The following BTBD19 variants were observed in gnomAD, a reference collection of about 807,000 sequenced individuals.
BTBD19 encodes BTB/POZ domain-containing protein 19.
A neutral mutation model predicts 36.1 loss-of-function variants in BTBD19; 20 were observed. The observed-to-expected ratio is 0.55, with a 90% confidence interval of 0.39 to 0.80. The LOEUF (loss-of-function observed/expected upper bound fraction) is 0.80. Ranked by LOEUF, BTBD19 falls within the 30% of genes least tolerant of loss-of-function variation. BTBD19 has a pLI of 0.00. For missense variants in BTBD19, 325 were observed against 389.8 expected, an observed-to-expected ratio of 0.83 and a Z score of 1.40; for synonymous variants, 157 against 174.3, an observed-to-expected ratio of 0.90 and a Z score of 0.78.
Position 44,810,723 on chromosome 1 carries a change from G to A in BTBD19, c.354+116G>A. ...GGAACGTGTGCCCACACAGAGAGAA[G>A]TATGTATATCTCTCCCAAGTAAGTA... On this transcript the variant is annotated intron_variant, in intron 3 of 7. Transcript: ENST00000450269. The surrounding 1 kb of genome is among the most constrained non-coding windows in gnomAD (Gnocchi z 4.2). The A allele has an allele frequency of 9.9e-7, 1 of 1,010,110 alleles. No individual in the cohort carries two copies. Among genetic ancestry groups the A allele is most frequent in the East Asian group, 3.5e-5 (1 of 28,754 alleles). 62.6% of individuals were successfully genotyped at this position (1,010,110 alleles called of 1,614,324 possible).
Position 44,813,346 on chromosome 1 carries a change from G to A in BTBD19, c.616-28G>A. 1 of 1,542,788 alleles carries A rather than the reference G, an allele frequency of 6.5e-7. No individual in the cohort carries two copies. Among genetic ancestry groups the A allele is most frequent in the Non-Finnish European group, 8.7e-7 (1 of 1,146,404 alleles). On this transcript the variant is annotated intron_variant, in intron 6 of 7. Transcript: ENST00000450269. The surrounding 1 kb of genome is among the most constrained non-coding windows in gnomAD (Gnocchi z 7.8). ...GACTGGTGAGCGGGCGGCAGGACAGGTGCCCGACTCAGGGCTGGCGTTTGC... is the reference window on the plus strand; with the variant it reads ...GACTGGTGAGCGGGCGGCAGGACAGATGCCCGACTCAGGGCTGGCGTTTGC...
chr1:44,808,928 CGG>C (rs1051957062), intron 1 of BTBD19, 22 bp downstream of exon 1: 1 of 1,517,414 alleles, frequency 6.6e-7, no homozygotes, highest in Non-Finnish European at 8.9e-7. Flanking sequence ...GCCCTGCCTG[CGG>C]GTTTTTCTTA....
At chr1:44,814,148 C>CTCTTTCTTTCTTTCTTTCTT (rs1553163473), downstream of BTBD19, 168 of 159,358 alleles carry the variant, frequency 1.1e-3, 2 homozygotes, top group South Asian at 1.4e-3. Context: ...CTTTTTCTTT[C>CTCTTTCTTTCTTTCTTTCTT]TCTTTCTTTC....
At chr1:44,811,299 C>T (rs552193340) in intron 3 of BTBD19, among the ~76,000 whole-genome samples, 35 of 151,924 alleles carry the variant, frequency 2.3e-4, no homozygotes, top group African/African-American at 7.7e-4. Context: ...TCTCCAGTCC[C>T]GCCACTAGGG....
downstream of BTBD19, chr1:44,814,192 TTC>T (rs367681598): frequency 3.1e-4 from 43 of 140,406 alleles, no homozygotes; most frequent in Middle Eastern, 2.9e-3. Flanking sequence ...CTTTCTTTCT[TTC>T]TTTCTTTCTT....
chr1:44,812,156 C>T (rs1557633128), intron 4 of BTBD19, 58 bp downstream of exon 4: 2 of 1,226,676 alleles, frequency 1.6e-6, no homozygotes, highest in South Asian at 2.5e-5. Context: ...AAATGGGCTC[C>T]CAGCACCTGG....
chr1:44,809,146 TTCC>T (rs919146532), intron 1 of BTBD19, among the ~76,000 whole-genome samples: 6 of 152,142 alleles, frequency 3.9e-5, no homozygotes, highest in African/African-American at 1.4e-4. Flanking sequence ...GGCAAAGCCC[TTCC>T]TTCTTTGGAC....
chr1:44,814,475 T>C (rs1218128328), downstream of BTBD19: 1 of 150,938 alleles, frequency 6.6e-6, no homozygotes, highest in Non-Finnish European at 1.5e-5. Context: ...TTTTTTTGAA[T>C]TTTTAGTAGA....
rs904464762 is a variant in BTBD19 at position 44,812,880 on chromosome 1, C to A, written c.415-116C>A. The stretch of plus-strand genomic sequence containing the variant: ...GTCTAGTTTCCTGGAGGGCTGAGGG[C>A]CCTGTCAGCCTCCCCAGCTAGGGCT... On this transcript the variant is annotated intron_variant, in intron 4 of 7. Transcript: ENST00000450269. 3.3e-6 allele frequency: 3 copies of A among 898,682 alleles called. No individual in the cohort carries two copies. In the African/African-American group the frequency reaches 5.1e-5, roughly 15 times the overall value. 55.7% of individuals were successfully genotyped at this position (898,682 alleles called of 1,614,324 possible). A position where few individuals can be genotyped will look rare whatever the true frequency, so the allele number is the denominator to read the frequency against.
exon 8 of BTBD19, chr1:44,814,108 A>G (rs1034498225): frequency 2.3e-6 from 1 of 439,174 alleles, no homozygotes. Flanking sequence ...CCACATATCT[A>G]TCTGTTCAGC....
chr1:44,814,065 G>A, exon 8 of BTBD19: 2 of 563,080 alleles, frequency 3.6e-6, no homozygotes, highest in Admixed American at 3.1e-5. Context: ...CTGCCCCTGG[G>A]CATTGTCGTC....
At position 44,813,093 on chromosome 1, in the gene BTBD19, A is replaced by G; in HGVS notation, c.483+29A>G. ...CTGCTCCCTTCATACTCCTCACCCT[A>G]CGCACCGCATTCTGCTCCTCCCTGA... On this transcript the variant is annotated intron_variant, in intron 5 of 7. Transcript: ENST00000450269. This position sits in a 1 kb window ranked among gnomAD's most constrained non-coding sequence, Gnocchi z 7.8. The G allele has an allele frequency of 6.5e-7, 1 of 1,546,822 alleles. No homozygotes were observed. Among genetic ancestry groups the G allele is most frequent in the Non-Finnish European group, 8.7e-7 (1 of 1,143,902 alleles).
At chr1:44,812,786 CGTGTGTGTGTGTGTGTGT>C (rs6143210) in intron 4 of BTBD19, among the ~76,000 whole-genome samples, 192 bp from the exon 5 acceptor site, 10,133 of 135,044 alleles carry the variant, frequency 0.075, 679 homozygotes, top group East Asian at 0.27. Flanking sequence ...AGTGAGTCCA[CGTGTGTGTGTGTGTGTGT>C]GTGTGTGTGT....
chr1:44,808,568 T>C, exon 1 of BTBD19: 2 of 366,054 alleles, frequency 5.5e-6, no homozygotes, highest in South Asian at 1.3e-4. Flanking sequence ...GCCAGCTTCT[T>C]CCCAGGACCA....
chr1:44,812,238 GT>G, intron 4 of BTBD19, 140 bp downstream of exon 4: 1 of 566,792 alleles, frequency 1.8e-6, no homozygotes, highest in Non-Finnish European at 3.1e-6. Context: ...CTCCAAGGAT[GT>G]TTATAGGATG....
intron 4 of BTBD19, 107 bp from the exon 5 acceptor site, chr1:44,812,889 C>A (rs1384632841): frequency 1.9e-6 from 2 of 1,045,330 alleles, no homozygotes; most frequent in Non-Finnish European, 2.7e-6. Context: ...GCCCTGTCAG[C>A]CTCCCCAGCT....
downstream of BTBD19, chr1:44,814,168 TTC>T (rs1257328222): frequency 5.1e-5 from 7 of 138,066 alleles, no homozygotes; most frequent in East Asian, 2.2e-4. Context: ...CTTTCTTTCT[TTC>T]TTTCTTTCTT....
intron 1 of BTBD19, 28 bp downstream of exon 1, chr1:44,808,934 T>C: frequency 6.6e-7 from 1 of 1,506,206 alleles, no homozygotes. Context: ...CCTGCGGGTT[T>C]TTCTTAGCTG....
At position 44,813,646 on chromosome 1, in the gene BTBD19, G is replaced by A; in HGVS notation, c.750G>A (p.Gln250=). The stretch of plus-strand genomic sequence containing the variant: ...CTGGCCTTGCTCTGCAGGTGGAGCA[G>A]ATTGTGGAGGCGTGGAAATGCCATG... The change falls in exon 8 of 8, where the codon CAG becomes CAA. Residue 250 remains glutamine (Q), a synonymous_variant. Transcript: ENST00000450269. This position sits in a 1 kb window ranked among gnomAD's most constrained non-coding sequence, Gnocchi z 7.8. 1 of 1,550,184 alleles carries A rather than the reference G, an allele frequency of 6.5e-7. No individual in the cohort carries two copies. The highest frequency in any genetic ancestry group is 8.7e-7 in the Non-Finnish European group (1 of 1,145,876).
Sources: allele counts gnomAD v4.1 joint callset (sites outside exome capture counted in the v4.1 genomes callset), GRCh38; gene constraint gnomAD v4.1.1; non-coding constraint Gnocchi (gnomAD v3.1); transcripts MANE v1.5; gene names NCBI Gene and HGNC (gene_info 2026-07-23, HGNC 2026-07-21).